Variants in CPB1 observed in about 807,000 individuals in gnomAD.
CPB1 encodes carboxypeptidase B.
In CPB1, 53 loss-of-function variants were observed where a neutral mutation model predicts 51.4. The ratio of observed to expected loss-of-function variants is 1.03; its 90% CI spans 0.83 to 1.30. CPB1 has a LOEUF of 1.30. Among genes scored for constraint, CPB1 ranks in the 50% most tolerant of loss-of-function variants. CPB1 has a pLI of 0.00. For synonymous variants in CPB1, 189 were observed against 186.9 expected (o/e 1.01, Z -0.09); for missense variants, 494 against 516.2 (o/e 0.96, Z 0.42).
At position 148,840,751 on chromosome 3, in the gene CPB1, G is replaced by T. The variant is rs373982050; in HGVS notation, c.338G>T (p.Gly113Val). The part of the protein sequence containing the change: ...AQFDSRVRAT[G>V]HSYEKYNKWE... Reference sequence around the variant, plus strand: ...TTTGATAGCCGGGTTCGTGCAACAGGACACAGTTATGAGAAGTACAACAAG... The same window carrying T: ...TTTGATAGCCGGGTTCGTGCAACAGTACACAGTTATGAGAAGTACAACAAG... Residue 113 changes from glycine (G) to valine (V), a missense_variant, in exon 4 of 11, where the codon GGA (glycine) becomes GTA (valine). Coordinates refer to ENST00000282957, the MANE Select transcript of CPB1 (RefSeq NM_001871.3). The T allele has an allele frequency of 7.4e-6, 12 of 1,614,038 alleles. No homozygotes were observed. Among genetic ancestry groups the T allele is most frequent in the Non-Finnish European group, 1.0e-5 (12 of 1,180,014 alleles).
chr3:148,854,512 A>G (rs1032758241), intron 9 of CPB1: 5 of 152,006 alleles, frequency 3.3e-5, no homozygotes, highest in Non-Finnish European at 5.9e-5. Flanking sequence ...GAAGATGTCA[A>G]TGTCTAAATG....
Position 148,827,975 on chromosome 3 carries a change from C to T in CPB1, c.72-27C>T, listed in dbSNP as rs536640734. ...GGACACATTACTCATTTCCAATTCTCTGTGCTTCTATTATCTCATTATTCA... is the reference window on the plus strand; with the variant it reads ...GGACACATTACTCATTTCCAATTCTTTGTGCTTCTATTATCTCATTATTCA... On this transcript the variant is annotated intron_variant, in intron 1 of 10. Coordinates refer to ENST00000282957, the MANE Select transcript of CPB1 (RefSeq NM_001871.3). 17 of 1,612,988 alleles carry T rather than the reference C, an allele frequency of 1.1e-5. No individual in the cohort carries two copies. The Admixed American group carries it at 2.0e-4, about 19-fold the overall frequency.
intron 3 of CPB1, among the ~76,000 whole-genome samples, chr3:148,837,043 A>G (rs911515501): frequency 3.9e-5 from 6 of 152,220 alleles, no homozygotes; most frequent in African/African-American, 1.4e-4. Flanking sequence ...AAGAAAGATA[A>G]CTGTAATTTT....
At chr3:148,851,123 AG>A (rs1713415445) in intron 9 of CPB1, 1 of 152,156 alleles carries the variant, frequency 6.6e-6, no homozygotes. Flanking sequence ...CACTATGGTC[AG>A]GAGTTTGAGA....
In CPB1 at chr3:148,855,601, C is replaced by CTG. The variant is rs1328771953; in HGVS notation, c.982-1856_982-1855insTG. The CTG allele has an allele frequency of 2.6e-5, 4 of 152,296 alleles. No individual in the cohort carries two copies. In the East Asian group the frequency reaches 7.7e-4, roughly 29 times the overall value. The allele number at this position is 152,296 out of a possible 1,614,324, so 9.4% of individuals were successfully genotyped here. ...TAAATATATTGAGAGACTTGAAAGA[C>CTG]AATCAATCAACACACGAGTCCAATA... On this transcript the variant is annotated intron_variant, in intron 9 of 10. Transcript: ENST00000282957.
intron 2 of CPB1, among the ~76,000 whole-genome samples, chr3:148,833,075 A>T (rs1442640304): frequency 2.0e-5 from 3 of 152,060 alleles, no homozygotes; most frequent in Admixed American, 2.0e-4. Flanking sequence ...TTCTCTCCAC[A>T]ATGTTGGCTA....
At chr3:148,835,683 C>A (rs1219772181) in intron 3 of CPB1, among the ~76,000 whole-genome samples, 1 of 152,198 alleles carries the variant, frequency 6.6e-6, no homozygotes, top group Admixed American at 6.5e-5. Context: ...AAGACAAAGT[C>A]TTGGGCTCCG....
intron 9 of CPB1, among the ~76,000 whole-genome samples, chr3:148,847,262 A>G (rs527472108): frequency 6.7e-6 from 1 of 149,350 alleles, no homozygotes; most frequent in Admixed American, 6.8e-5. Context: ...ACATTTTCTT[A>G]TTGGAGGAAT....
At chr3:148,834,187 A>G (rs1225528325) in intron 2 of CPB1, among the ~76,000 whole-genome samples, 1 of 152,252 alleles carries the variant, frequency 6.6e-6, no homozygotes, top group East Asian at 1.9e-4. Context: ...CCAACAAGTT[A>G]GTGATCCAGA....
At chr3:148,846,793 G>A (rs1285348005) in intron 9 of CPB1, among the ~76,000 whole-genome samples, 20 of 20,848 alleles carry the variant, frequency 9.6e-4, no homozygotes, top group African/African-American at 3.3e-3. Context: ...GTGTGTGTGC[G>A]TGTGTATATA....
chr3:148,827,908 C>G lies in CPB1; in HGVS notation c.71+14C>G, dbSNP rs1374238213. 3 of 1,613,998 alleles carry G rather than the reference C, an allele frequency of 1.9e-6. No homozygotes were observed. The highest frequency in any genetic ancestry group is 1.7e-5 in the Admixed American group (1 of 59,992). ...GCACTTTGAAGGGTAAGTAAGCCATCTTTAAGGAGCAAGTCCTTCTTCCTT... is the reference window on the plus strand; with the variant it reads ...GCACTTTGAAGGGTAAGTAAGCCATGTTTAAGGAGCAAGTCCTTCTTCCTT... On this transcript the variant is annotated intron_variant, in intron 1 of 10. Transcript: ENST00000282957.
At chr3:148,831,500 A>G (rs1017640259) in intron 2 of CPB1, among the ~76,000 whole-genome samples, 2 of 152,172 alleles carry the variant, frequency 1.3e-5, no homozygotes, top group African/African-American at 4.8e-5. Context: ...GATCCCCAAC[A>G]CCAATATTTA....
At position 148,827,866 on chromosome 3, in the gene CPB1, G is replaced by C. The variant is rs1233674507; in HGVS notation, c.43G>C (p.Ala15Pro). Residue 15 changes from alanine to proline, a missense_variant, in exon 1 of 11, where the codon GCT becomes CCT. Physicochemically the swap from Ala to Pro is conservative, Grantham distance 27. Coordinates refer to ENST00000282957, the MANE Select transcript of CPB1 (RefSeq NM_001871.3). ...TCTGGTGACTGTGGCCCTGGCATCT[G>C]CTCATCATGGTGGTGAGCACTTTGA... Reference protein sequence around the residue: ...LVLVTVALASAHHGGEHFEGE... With the variant: ...LVLVTVALASPHHGGEHFEGE... 1 of 1,614,126 alleles carries C rather than the reference G, an allele frequency of 6.2e-7. No individual in the cohort carries two copies. Among genetic ancestry groups the C allele is most frequent in the Non-Finnish European group, 8.5e-7 (1 of 1,180,024 alleles).
chr3:148,842,382 A>G (rs1448460033), intron 6 of CPB1, among the ~76,000 whole-genome samples: 1 of 152,152 alleles, frequency 6.6e-6, no homozygotes, highest in African/African-American at 2.4e-5. Flanking sequence ...ATCATTGTAC[A>G]CTTCAGATTA....
At chr3:148,854,770 G>C (rs1055824383) in intron 9 of CPB1, 2 of 152,200 alleles carry the variant, frequency 1.3e-5, no homozygotes, top group African/African-American at 4.8e-5. Context: ...GAGCTCACCT[G>C]GTGAGGAAAT....
chr3:148,838,992 A>ATATCCTAATCCC (rs6148125), intron 3 of CPB1, among the ~76,000 whole-genome samples: 92,927 of 151,802 alleles, frequency 0.61, 29,502 homozygotes, highest in African/African-American at 0.79. Context: ...AAAAAACTCT[A>ATATCCTAATCCC]CAGAACATGT....
At chr3:148,852,731 C>A (rs1403787448) in intron 9 of CPB1, among the ~76,000 whole-genome samples, 1 of 152,218 alleles carries the variant, frequency 6.6e-6, no homozygotes, top group African/African-American at 2.4e-5. Context: ...TCACACTTCA[C>A]ATTTCCCTTG....
intron 2 of CPB1, among the ~76,000 whole-genome samples, chr3:148,832,737 C>T (rs1017985822): frequency 1.4e-4 from 21 of 152,174 alleles, no homozygotes; most frequent in African/African-American, 5.1e-4. Context: ...CTTGGTACCG[C>T]CTGTCTACCT....
At chr3:148,847,274 A>G (rs1471977219) in intron 9 of CPB1, among the ~76,000 whole-genome samples, 1 of 150,380 alleles carries the variant, frequency 6.6e-6, no homozygotes, top group South Asian at 2.2e-4. Flanking sequence ...TGGAGGAATA[A>G]GTTTAAGCCC....
Sources: gnomAD v4.1 joint callset for allele counts (sites outside exome capture counted in the v4.1 genomes callset) on GRCh38, gnomAD v4.1.1 for gene constraint, MANE v1.5 for transcripts, NCBI Gene and HGNC (gene_info 2026-07-23, HGNC 2026-07-21) for gene names.